PRMT3: variants seen among roughly 807,000 people sequenced by gnomAD.
PRMT3 encodes the protein protein arginine N-methyltransferase 3.
Under a neutral mutation model 71.9 loss-of-function variants are expected in PRMT3, and 62 were observed. The observed-to-expected ratio is 0.86, with a 90% CI of 0.70 to 1.07. The LOEUF is 1.07. PRMT3 is among the 50% of genes least tolerant of loss of function. The probability of loss-of-function intolerance (pLI) is 0.00; values close to 1 mark genes in which losing one functional copy is unlikely to be tolerated. For missense variants in PRMT3, 663 were observed against 643.0 expected (o/e 1.03, Z -0.34); for synonymous variants, 213 against 220.4 (o/e 0.97, Z 0.30).
At chr11:20,415,620 T>G (rs2133335275) in intron 9 of PRMT3, among the ~76,000 whole-genome samples, 1 of 151,532 alleles carries the variant, frequency 6.6e-6, no homozygotes, top group South Asian at 2.1e-4. Flanking sequence ...CCAGGGAAAT[T>G]TGCATGAGTC....
chr11:20,470,891 C>T (rs953262640), intron 13 of PRMT3, among the ~76,000 whole-genome samples: 1 of 152,170 alleles, frequency 6.6e-6, no homozygotes, highest in Non-Finnish European at 1.5e-5. Flanking sequence ...TCTCCACAAC[C>T]TCACCAGCAT....
At chr11:20,433,483 T>A (rs1327549060) in intron 10 of PRMT3, among the ~76,000 whole-genome samples, 2 of 152,188 alleles carry the variant, frequency 1.3e-5, no homozygotes, top group African/African-American at 2.4e-5. Context: ...TTGATTCCAA[T>A]TCCGTATCTT....
intron 10 of PRMT3, among the ~76,000 whole-genome samples, chr11:20,436,670 G>T (rs1849767301): frequency 6.6e-6 from 1 of 151,930 alleles, no homozygotes; most frequent in South Asian, 2.1e-4. Context: ...TGTGCCACAA[G>T]ATTTAGTTTG....
Position 20,395,403 on chromosome 11 carries a change from G to A in PRMT3, c.401-400G>A, listed in dbSNP as rs547309372. Among the ~76,000 whole-genome samples, 45 of 152,114 alleles carry A rather than the reference G, an allele frequency of 3.0e-4. 1 individual carries two copies. Among genetic ancestry groups the A allele is most frequent in the Admixed American group, 2.3e-3 (35 of 15,288 alleles). ...GTATTGCCCAGGTTGGAGTACAGTG[G>A]TGCGATCACAGCTCACTGCAACCTC... On this transcript the variant is annotated intron_variant, in intron 5 of 15. Coordinates refer to ENST00000331079, the MANE Select transcript of PRMT3 (RefSeq NM_005788.4).
intron 10 of PRMT3, among the ~76,000 whole-genome samples, chr11:20,440,372 G>A (rs1001291810): frequency 3.9e-5 from 6 of 151,914 alleles, no homozygotes; most frequent in Non-Finnish European, 7.4e-5. Flanking sequence ...GAGGCCGGGT[G>A]TGGTGGCTCA....
chr11:20,483,238 T>C (rs1850985416), intron 13 of PRMT3, among the ~76,000 whole-genome samples: 1 of 152,084 alleles, frequency 6.6e-6, no homozygotes, highest in East Asian at 1.9e-4. Flanking sequence ...ATAAAACTAA[T>C]TTTTTTATGC....
At chr11:20,432,862 T>G (rs1590060205) in intron 10 of PRMT3, among the ~76,000 whole-genome samples, 1 of 152,306 alleles carries the variant, frequency 6.6e-6, no homozygotes, top group Non-Finnish European at 1.5e-5. Flanking sequence ...TTTTGAGAGA[T>G]GTCTATTCAG....
Position 20,392,196 on chromosome 11 carries a change from T to A in PRMT3, c.248-15T>A. ...ATTATGTTAACATAGGTGAATTATC[T>A]TTTTCCCCCTTTAGGACTTGAATTT... On this transcript the variant is annotated splice_polypyrimidine_tract_variant and intron_variant, in intron 3 of 15. Transcript: ENST00000331079. 6.4e-7 allele frequency: 1 copy of A among 1,569,502 alleles called. No homozygotes were observed. The highest frequency in any genetic ancestry group is 8.7e-7 in the Non-Finnish European group (1 of 1,149,688).
intron 13 of PRMT3, among the ~76,000 whole-genome samples, chr11:20,479,447 A>AG (rs1850875823): frequency 6.6e-6 from 1 of 152,214 alleles, no homozygotes; most frequent in East Asian, 1.9e-4. Context: ...TATGGATATT[A>AG]GATAATACTA....
chr11:20,397,730 A>G lies in PRMT3; in HGVS notation c.705+9A>G. 1 of 1,613,078 alleles carries G rather than the reference A, an allele frequency of 6.2e-7. No individual in the cohort carries two copies. The highest frequency in any genetic ancestry group is 8.5e-7 in the Non-Finnish European group (1 of 1,179,560). On this transcript the variant is annotated intron_variant, in intron 7 of 15. Coordinates refer to ENST00000331079, the MANE Select transcript of PRMT3 (RefSeq NM_005788.4). ...ATGAAGAAATGCTAAAGGTTAGAAA[A>G]GAACACAAATGCGTCAAATCCATAC...
At chr11:20,475,152 G>C (rs566872789) in intron 13 of PRMT3, among the ~76,000 whole-genome samples, 1 of 152,314 alleles carries the variant, frequency 6.6e-6, no homozygotes, top group Non-Finnish European at 1.5e-5. Context: ...AGCTACATAG[G>C]ATAGGGCTTA....
intron 9 of PRMT3, among the ~76,000 whole-genome samples, chr11:20,417,274 AAG>A (rs1289456563): frequency 6.6e-6 from 1 of 152,208 alleles, no homozygotes; most frequent in African/African-American, 2.4e-5. Flanking sequence ...TAGGGAGCAA[AAG>A]AGAAATAAAT....
At chr11:20,399,336 A>T (rs1049306200) in intron 7 of PRMT3, among the ~76,000 whole-genome samples, 1 of 152,164 alleles carries the variant, frequency 6.6e-6, no homozygotes, top group African/African-American at 2.4e-5. Flanking sequence ...AATTGTACTT[A>T]TATGGGGTCT....
Position 20,388,069 on chromosome 11 carries a change from A to G in PRMT3, c.79A>G (p.Ser27Gly), listed in dbSNP as rs772534941. Residue 27 changes from serine to glycine, a missense_variant, in exon 2 of 16, where the codon AGC becomes GGC. Coordinates refer to ENST00000331079, the MANE Select transcript of PRMT3 (RefSeq NM_005788.4). ...NEEDLPELSD[S>G]GDEAAWEDED... ...GGAGGACCTGCCAGAACTGTCGGAC[A>G]GCGGGGACGAGGCCGCCTGGGAGGA... 19 of 1,613,948 alleles carry G rather than the reference A, an allele frequency of 1.2e-5. No individual in the cohort carries two copies. The highest frequency in any genetic ancestry group is 4.2e-6 in the Non-Finnish European group (5 of 1,180,006).
chr11:20,468,924 G>C (rs112482875), intron 13 of PRMT3, among the ~76,000 whole-genome samples: 3,914 of 152,170 alleles, frequency 0.026, 77 homozygotes, highest in Non-Finnish European at 0.037. Flanking sequence ...AAGCTTCATG[G>C]CATTTTAATG....
intron 9 of PRMT3, among the ~76,000 whole-genome samples, chr11:20,418,610 ATTT>A (rs1301098159): frequency 3.3e-5 from 5 of 152,166 alleles, no homozygotes; most frequent in Admixed American, 3.3e-4. Flanking sequence ...TTCTGAAGAT[ATTT>A]TTAAGCAATG....
chr11:20,485,287 T>C (rs926706203), intron 13 of PRMT3, among the ~76,000 whole-genome samples: 1 of 152,056 alleles, frequency 6.6e-6, no homozygotes, highest in Non-Finnish European at 1.5e-5. Context: ...TTTCACAAAG[T>C]TTTTCAAATA....
intron 9 of PRMT3, among the ~76,000 whole-genome samples, chr11:20,411,685 TAA>T (rs1849195756): frequency 6.6e-6 from 1 of 152,222 alleles, no homozygotes; most frequent in Admixed American, 6.5e-5. Context: ...GACTAAAACT[TAA>T]GTTTATATTC....
At chr11:20,411,397 T>C (rs2133328487) in intron 9 of PRMT3, among the ~76,000 whole-genome samples, 1 of 152,240 alleles carries the variant, frequency 6.6e-6, no homozygotes, top group Non-Finnish European at 1.5e-5. Context: ...CAAACTAGTC[T>C]TTGCTGTGTC....
Sources: gnomAD v4.1 joint callset for allele counts (sites outside exome capture counted in the v4.1 genomes callset) on GRCh38, gnomAD v4.1.1 for gene constraint, MANE v1.5 for transcripts, NCBI Gene and HGNC (gene_info 2026-07-23, HGNC 2026-07-21) for gene names.